Variants in FRMD3 observed in about 807,000 individuals in gnomAD.
FRMD3 encodes FERM domain-containing protein 3.
A neutral mutation model predicts 70.2 loss-of-function variants in FRMD3; 33 were observed. The observed-to-expected ratio is 0.47, with a 90% CI of 0.36 to 0.63. FRMD3 has a LOEUF of 0.63. FRMD3 is among the 20% of genes least tolerant of loss of function. The pLI is 0.00. For synonymous variants in FRMD3, 279 were observed against 255.9 expected, an observed-to-expected ratio of 1.09 and a Z score of -0.86; for missense variants, 632 against 711.4, an observed-to-expected ratio of 0.89 and a Z score of 1.27.
At chr9:83,259,491 T>C (rs1161397446) in intron 13 of FRMD3, among the ~76,000 whole-genome samples, 3 of 152,180 alleles carry the variant, frequency 2.0e-5, no homozygotes, top group East Asian at 1.9e-4. Flanking sequence ...TCTCACACTT[T>C]GATTCTGCCT....
intron 1 of FRMD3, among the ~76,000 whole-genome samples, chr9:83,507,929 T>C (rs1564109512): frequency 6.6e-6 from 1 of 151,506 alleles, no homozygotes; most frequent in Non-Finnish European, 1.5e-5. Flanking sequence ...GTACTGTACA[T>C]AATTATATGT....
At chr9:83,463,954 C>T (rs1321515771) in intron 1 of FRMD3, among the ~76,000 whole-genome samples, 4 of 152,206 alleles carry the variant, frequency 2.6e-5, no homozygotes, top group Non-Finnish European at 4.4e-5. Flanking sequence ...GCCTCTTCCT[C>T]CTGTTCCTCC....
intron 3 of FRMD3, among the ~76,000 whole-genome samples, chr9:83,367,423 G>A (rs1178181214): frequency 1.3e-5 from 2 of 152,088 alleles, no homozygotes; most frequent in African/African-American, 4.8e-5. Flanking sequence ...TATAAAACCT[G>A]GCAGAATACA....
chr9:83,465,262 C>T (rs909466837), intron 1 of FRMD3, among the ~76,000 whole-genome samples: 4 of 152,100 alleles, frequency 2.6e-5, no homozygotes, highest in African/African-American at 4.8e-5. Context: ...CCACGACAGC[C>T]GTGTCCTGAC....
At chr9:83,443,412 T>C (rs1281316488) in intron 1 of FRMD3, among the ~76,000 whole-genome samples, 1 of 152,186 alleles carries the variant, frequency 6.6e-6, no homozygotes, top group Non-Finnish European at 1.5e-5. Context: ...ATCCTTGCGA[T>C]AGTTTGCTCA....
rs188517589 is a variant in FRMD3 at position 83,260,244 on chromosome 9, A to G, written c.1196-11728T>C. ...TTAAATATATGAGCATGTGATATTC[A>G]TAAGTCATGAGAAAAATGAGGCATA... On this transcript the variant is annotated intron_variant, in intron 13 of 13. Transcript: ENST00000304195. Among the ~76,000 whole-genome samples, 291 of 152,346 alleles carry G rather than the reference A, an allele frequency of 1.9e-3. 1 individual carries two copies. The highest frequency in any genetic ancestry group is 6.7e-3 in the African/African-American group (280 of 41,588).
the FRMD3 span, among the ~76,000 whole-genome samples, chr9:83,572,801 C>A: frequency 6.6e-6 from 1 of 152,120 alleles, no homozygotes; most frequent in Middle Eastern, 3.2e-3. Context: ...AAGAGAAAAG[C>A]CAGAGATTTG....
At chr9:83,255,126 C>G (rs1478451048) in intron 13 of FRMD3, among the ~76,000 whole-genome samples, 1 of 152,136 alleles carries the variant, frequency 6.6e-6, no homozygotes, top group African/African-American at 2.4e-5. Flanking sequence ...ATGCAAAACT[C>G]CTCAATAAAA....
At chr9:83,571,016 CCAATGTGG>C in the FRMD3 span, among the ~76,000 whole-genome samples, 3 of 152,180 alleles carry the variant, frequency 2.0e-5, no homozygotes, top group African/African-American at 7.2e-5. Context: ...AATTTGATTC[CCAATGTGG>C]CAATGTAAGT....
chr9:83,442,055 A>C (rs1258962017), intron 1 of FRMD3, among the ~76,000 whole-genome samples: 1 of 152,128 alleles, frequency 6.6e-6, no homozygotes, highest in African/African-American at 2.4e-5. Flanking sequence ...ATAGAATTCA[A>C]ATCCTGTCTT....
At chr9:83,522,013 TCTATACAGGAGACACG>T (rs1380222750) in intron 1 of FRMD3, among the ~76,000 whole-genome samples, 17 of 152,280 alleles carry the variant, frequency 1.1e-4, no homozygotes, top group Non-Finnish European at 2.1e-4. Context: ...CTCCAGCATA[TCTATACAGGAGACACG>T]CTGAGGGTGA....
chr9:83,388,375 G>A (rs1357935803), intron 2 of FRMD3, among the ~76,000 whole-genome samples: 1 of 152,100 alleles, frequency 6.6e-6, no homozygotes, highest in Non-Finnish European at 1.5e-5. Flanking sequence ...AGAAGGCAGA[G>A]GGGTCCTATC....
At chr9:83,355,017 G>A (rs1347773330) in intron 3 of FRMD3, among the ~76,000 whole-genome samples, 1 of 152,284 alleles carries the variant, frequency 6.6e-6, no homozygotes, top group Non-Finnish European at 1.5e-5. Flanking sequence ...TTTGAGCACT[G>A]TGGTGCACCC....
chr9:83,538,406 G>C (rs1482853722), upstream of FRMD3: 13 of 449,084 alleles, frequency 2.9e-5, no homozygotes, highest in East Asian at 2.9e-4. This position sits in a 1 kb window ranked among gnomAD's most constrained non-coding sequence, Gnocchi z 4.7. Flanking sequence ...CGCGGCGGGC[G>C]GGTCCCTCCC....
At chr9:83,401,157 C>G (rs982221590) in intron 1 of FRMD3, among the ~76,000 whole-genome samples, 2 of 152,186 alleles carry the variant, frequency 1.3e-5, no homozygotes, top group Admixed American at 1.3e-4. Context: ...GCCCCAGGAG[C>G]TAATTGCGTT....
At chr9:83,539,674 G>A (rs1218744684), upstream of FRMD3, among the ~76,000 whole-genome samples, 5 of 152,072 alleles carry the variant, frequency 3.3e-5, no homozygotes, top group Non-Finnish European at 7.4e-5. Context: ...CTAAGGTTTG[G>A]GGGAGTCCGC....
intron 1 of FRMD3, among the ~76,000 whole-genome samples, chr9:83,442,302 G>A (rs1484104314): frequency 1.4e-5 from 2 of 144,452 alleles, no homozygotes; most frequent in Non-Finnish European, 3.0e-5. Flanking sequence ...CTGTTGCCCA[G>A]GCTGGAGTGC....
intron 3 of FRMD3, among the ~76,000 whole-genome samples, chr9:83,358,749 A>G (rs1824488674): frequency 6.6e-6 from 1 of 151,066 alleles, no homozygotes; most frequent in Non-Finnish European, 1.5e-5. Flanking sequence ...TCTTGATTTT[A>G]TTCTCAGCTT....
intron 1 of FRMD3, among the ~76,000 whole-genome samples, chr9:83,422,550 C>T (rs903385970): frequency 5.3e-5 from 8 of 152,210 alleles, no homozygotes; most frequent in African/African-American, 1.2e-4. Flanking sequence ...TTAGAATAAA[C>T]GTTCTTTCCT....
Sources: allele counts gnomAD v4.1 joint callset (sites outside exome capture counted in the v4.1 genomes callset), GRCh38; gene constraint gnomAD v4.1.1; non-coding constraint Gnocchi (gnomAD v3.1); transcripts MANE v1.5; gene names NCBI Gene and HGNC (gene_info 2026-07-23, HGNC 2026-07-21).